The following SHROOM3 variants were observed in gnomAD, a reference collection of about 807,000 sequenced individuals.
The protein encoded by SHROOM3 is protein Shroom3.
Under a neutral mutation model 138.6 loss-of-function variants are expected in SHROOM3, and 47 were observed. The ratio of observed to expected loss-of-function variants is 0.34; its 90% CI spans 0.27 to 0.43. The LOEUF is 0.43. Ranked by LOEUF, SHROOM3 falls within the 20% of genes least tolerant of loss-of-function variation. The pLI is 1.00. For synonymous variants in SHROOM3, 1,062 were observed against 1,063.3 expected, an observed-to-expected ratio of 1.00 and a Z score of 0.02; for missense variants, 2,491 against 2,596.5, an observed-to-expected ratio of 0.96 and a Z score of 0.88.
intron 6 of SHROOM3, among the ~76,000 whole-genome samples, chr4:76,752,660 C>T (rs1041029187): frequency 6.6e-6 from 1 of 152,060 alleles, no homozygotes; most frequent in African/African-American, 2.4e-5. Context: ...ACAAAATAAT[C>T]ACCACGGAGA....
At chr4:76,525,366 C>A (rs1326913175) in intron 1 of SHROOM3, among the ~76,000 whole-genome samples, 1 of 152,136 alleles carries the variant, frequency 6.6e-6, no homozygotes, top group African/African-American at 2.4e-5. Context: ...TGGGGGAAAC[C>A]ACCCCCATGA....
At chr4:76,617,398 T>A (rs1240660259) in intron 2 of SHROOM3, among the ~76,000 whole-genome samples, 1 of 152,252 alleles carries the variant, frequency 6.6e-6, no homozygotes, top group Non-Finnish European at 1.5e-5. Context: ...ATTTATTTAA[T>A]TCACATAATA....
chr4:76,597,280 A>T (rs1235382955), intron 2 of SHROOM3, among the ~76,000 whole-genome samples: 1 of 152,184 alleles, frequency 6.6e-6, no homozygotes. Flanking sequence ...GTTTCCTATC[A>T]GTGGGAAATT....
At chr4:76,646,693 A>G (rs1012515521) in intron 2 of SHROOM3, among the ~76,000 whole-genome samples, 1 of 152,218 alleles carries the variant, frequency 6.6e-6, no homozygotes, top group Admixed American at 6.5e-5. Context: ...AGGGGAAATT[A>G]AGGAACTTTA....
chr4:76,442,662 G>A (rs1424277588), intron 1 of SHROOM3, among the ~76,000 whole-genome samples: 2 of 151,962 alleles, frequency 1.3e-5, no homozygotes, highest in Non-Finnish European at 2.9e-5. Context: ...GCCCACCTCG[G>A]CCTCCCAAAG....
At chr4:76,683,244 G>C (rs1325962093) in intron 2 of SHROOM3, among the ~76,000 whole-genome samples, 1 of 151,980 alleles carries the variant, frequency 6.6e-6, no homozygotes, top group African/African-American at 2.4e-5. Context: ...TTTATTTGAT[G>C]TTGTAACAGA....
intron 2 of SHROOM3, among the ~76,000 whole-genome samples, chr4:76,680,546 T>C (rs1426090999): frequency 6.6e-6 from 1 of 152,200 alleles, no homozygotes; most frequent in African/African-American, 2.4e-5. Context: ...CATTACCCTA[T>C]TTCTCCCACA....
chr4:76,610,463 G>A (rs182244179), intron 2 of SHROOM3, among the ~76,000 whole-genome samples: 330 of 152,252 alleles, frequency 2.2e-3, no homozygotes, highest in Middle Eastern at 0.02. Flanking sequence ...AAAGTAGAGT[G>A]GTTTGTGTTT....
At chr4:76,530,183 C>T (rs534652879) in intron 1 of SHROOM3, among the ~76,000 whole-genome samples, 16 of 152,224 alleles carry the variant, frequency 1.1e-4, no homozygotes, top group East Asian at 3.9e-4. Context: ...CATATGGAAA[C>T]GCATTTAGGA....
intron 2 of SHROOM3, among the ~76,000 whole-genome samples, chr4:76,588,046 C>T (rs1378082044): frequency 6.6e-6 from 1 of 151,982 alleles, no homozygotes; most frequent in Non-Finnish European, 1.5e-5. Context: ...TAATCTTAGC[C>T]CTAATCATTG....
intron 2 of SHROOM3, among the ~76,000 whole-genome samples, chr4:76,622,433 C>G (rs1377853472): frequency 1.3e-5 from 2 of 151,994 alleles, no homozygotes; most frequent in African/African-American, 4.8e-5. Flanking sequence ...GGAAGCCAGG[C>G]ACTTGTACAT....
intron 2 of SHROOM3, among the ~76,000 whole-genome samples, chr4:76,702,588 C>A (rs750952956): frequency 2.0e-5 from 3 of 152,200 alleles, no homozygotes; most frequent in Non-Finnish European, 2.9e-5. Flanking sequence ...CAGAACAGGA[C>A]CCCAGGCAGC....
chr4:76,740,234 T>G lies in SHROOM3; in HGVS notation c.2061T>G (p.Gly687=). The G allele has an allele frequency of 6.2e-7, 1 of 1,613,230 alleles. No individual in the cohort carries two copies. Among genetic ancestry groups the G allele is most frequent in the Non-Finnish European group, 8.5e-7 (1 of 1,180,012 alleles). ...SLELGRGTQE[G]YPGGRPTCAV... is the part of the protein sequence containing the mutation. ...AGCTAGGCCGGGGAACCCAGGAGGG[T>G]TACCCCGGGGGCAGGCCCACCTGTG... The change falls in exon 5 of 11, where the codon GGT becomes GGG. Residue 687 remains glycine, a synonymous_variant. Transcript: ENST00000296043. The surrounding 1 kb of genome is among the most constrained non-coding windows in gnomAD (Gnocchi z 4.0).
chr4:76,562,597 ATGG>A (rs1428268742), intron 2 of SHROOM3, among the ~76,000 whole-genome samples: 6 of 152,212 alleles, frequency 3.9e-5, no homozygotes, highest in Non-Finnish European at 7.3e-5. Context: ...TTTCCAGCTC[ATGG>A]TTACAGTTTA....
chr4:76,536,958 C>A (rs1266652937), intron 1 of SHROOM3, among the ~76,000 whole-genome samples: 2 of 152,000 alleles, frequency 1.3e-5, no homozygotes, highest in Non-Finnish European at 2.9e-5. Flanking sequence ...ACTAAAAATA[C>A]AAAAATTACC....
At chr4:76,570,529 A>G (rs1419051976) in intron 2 of SHROOM3, among the ~76,000 whole-genome samples, 4 of 152,186 alleles carry the variant, frequency 2.6e-5, no homozygotes, top group Non-Finnish European at 5.9e-5. Flanking sequence ...AGTCAGGGGC[A>G]GAGGTCAAAA....
intron 1 of SHROOM3, among the ~76,000 whole-genome samples, chr4:76,540,291 AC>A (rs1272582266): frequency 1.3e-5 from 2 of 152,124 alleles, no homozygotes; most frequent in Non-Finnish European, 2.9e-5. Flanking sequence ...TAGCTCAGCC[AC>A]CCTTGAGAAT....
intron 1 of SHROOM3, among the ~76,000 whole-genome samples, chr4:76,459,899 C>T (rs1731106862): frequency 6.6e-6 from 1 of 152,162 alleles, no homozygotes; most frequent in Admixed American, 6.5e-5. Context: ...CTCAGTTTTT[C>T]CTAGCCTCAG....
At chr4:76,665,785 T>C (rs550931539) in intron 2 of SHROOM3, among the ~76,000 whole-genome samples, 1 of 152,342 alleles carries the variant, frequency 6.6e-6, no homozygotes, top group South Asian at 2.1e-4. Flanking sequence ...AGCTAGGACC[T>C]GGCTTGCATC....
Sources: allele counts gnomAD v4.1 joint callset (sites outside exome capture counted in the v4.1 genomes callset), GRCh38; gene constraint gnomAD v4.1.1; non-coding constraint Gnocchi (gnomAD v3.1); transcripts MANE v1.5; gene names NCBI Gene and HGNC (gene_info 2026-07-23, HGNC 2026-07-21).